Variants in ABCB11 observed in about 807,000 individuals in gnomAD.
The protein encoded by ABCB11 is ATP binding cassette subfamily B member 11.
In ABCB11, 95 loss-of-function variants were observed where a neutral mutation model predicts 148.0. The observed-to-expected ratio is 0.64, with a 90% CI of 0.54 to 0.76. ABCB11 has a LOEUF of 0.76. Ranked by LOEUF, ABCB11 falls within the 30% of genes least tolerant of loss-of-function variation. The pLI is 0.00. For synonymous variants in ABCB11, 591 were observed against 555.4 expected (o/e 1.06, Z -0.90); for missense variants, 1,523 against 1,617.8 (o/e 0.94, Z 1.01).
intron 5 of ABCB11, among the ~76,000 whole-genome samples, chr2:169,010,824 C>G (rs904035606): frequency 6.6e-6 from 1 of 152,142 alleles, no homozygotes; most frequent in Non-Finnish European, 1.5e-5. Context: ...GTATTTAACT[C>G]ATCAAGGAGT....
intron 21 of ABCB11, among the ~76,000 whole-genome samples, chr2:168,941,052 C>T (rs900274030): frequency 6.6e-6 from 1 of 152,046 alleles, no homozygotes; most frequent in East Asian, 1.9e-4. Context: ...CGGAGATGTA[C>T]AAGGAGATGA....
intron 5 of ABCB11, among the ~76,000 whole-genome samples, chr2:169,011,248 A>T (rs1695177996): frequency 1.3e-5 from 2 of 152,176 alleles, no homozygotes; most frequent in Non-Finnish European, 2.9e-5. Flanking sequence ...TATCCTCATA[A>T]GTGTTATCCG....
chr2:169,004,456 A>T (rs1694964457), intron 5 of ABCB11, among the ~76,000 whole-genome samples: 1 of 152,026 alleles, frequency 6.6e-6, no homozygotes, highest in Admixed American at 6.5e-5. Context: ...ATTTGATTCT[A>T]TTGCTGAGAC....
At chr2:168,968,637 C>T (rs992251819) in intron 16 of ABCB11, 147 bp from the exon 17 acceptor site, 3 of 681,670 alleles carry the variant, frequency 4.4e-6, no homozygotes, top group East Asian at 2.8e-5. Context: ...AAATAAAACT[C>T]GGGACTTGTC....
chr2:168,920,096 G>C (rs1395956212), downstream of ABCB11, among the ~76,000 whole-genome samples: 1 of 152,034 alleles, frequency 6.6e-6, no homozygotes, highest in African/African-American at 2.4e-5. Flanking sequence ...GTACTCCTGG[G>C]CTCAAGCAAT....
chr2:169,015,576 C>T (rs1695328263), intron 3 of ABCB11, among the ~76,000 whole-genome samples: 1 of 152,032 alleles, frequency 6.6e-6, no homozygotes, highest in Non-Finnish European at 1.5e-5. Context: ...TTTAGGTAAC[C>T]ACAGGGACAG....
Position 169,023,792 on chromosome 2 carries a change from C to A in ABCB11, c.-27-5640G>T, listed in dbSNP as rs540193277. 7.2e-5 allele frequency among the ~76,000 whole-genome samples: 11 copies of A among 152,238 alleles called. No homozygotes were observed. The South Asian group carries it at 2.3e-3, about 32-fold the overall frequency. ...AGCACTGAATTAACGATAGTGGTTACCTCTGAGGAAAAGAAGTGGAATGAG... is the reference window on the plus strand; with the variant it reads ...AGCACTGAATTAACGATAGTGGTTAACTCTGAGGAAAAGAAGTGGAATGAG... On this transcript the variant is annotated intron_variant, in intron 1 of 27. Coordinates refer to ENST00000650372, the MANE Select transcript of ABCB11 (RefSeq NM_003742.4).
chr2:168,993,669 G>A (rs748251567), intron 8 of ABCB11, 42 bp downstream of exon 8: 1 of 1,575,290 alleles, frequency 6.3e-7, no homozygotes, highest in Non-Finnish European at 8.6e-7. Context: ...GTTTATGAAG[G>A]CAAATGTCTT....
chr2:168,932,058 C>T (rs1055388301), intron 24 of ABCB11, among the ~76,000 whole-genome samples: 4 of 152,086 alleles, frequency 2.6e-5, no homozygotes, highest in African/African-American at 9.6e-5. Context: ...GTAGAATGTG[C>T]AGGCTTGTTA....
intron 12 of ABCB11, among the ~76,000 whole-genome samples, chr2:168,975,214 A>T (rs1319935959): frequency 2.1e-5 from 2 of 95,316 alleles, no homozygotes; most frequent in Admixed American, 2.3e-4. Context: ...TTTATATTTA[A>T]ATATTTATAG....
intron 7 of ABCB11, 38 bp downstream of exon 7, chr2:168,995,311 A>C: frequency 6.4e-7 from 1 of 1,573,544 alleles, no homozygotes; most frequent in Non-Finnish European, 8.6e-7. Flanking sequence ...TATTATCCAA[A>C]AATCACACAC....
intron 5 of ABCB11, among the ~76,000 whole-genome samples, chr2:169,009,585 G>T (rs1287997213): frequency 3.6e-5 from 4 of 112,258 alleles, no homozygotes; most frequent in Non-Finnish European, 7.0e-5. Flanking sequence ...TTGTGGGGTG[G>T]GGGGAGGGGG....
intron 5 of ABCB11, among the ~76,000 whole-genome samples, chr2:168,997,426 T>G (rs193083519): frequency 1.7e-3 from 264 of 152,204 alleles, no homozygotes; most frequent in Non-Finnish European, 2.8e-3. Context: ...AAAAATACTT[T>G]GGCATTTTTC....
chr2:168,936,328 A>T lies in ABCB11; in HGVS notation c.2716T>A (p.Cys906Ser). 6.2e-7 allele frequency: 1 copy of T among 1,613,982 alleles called. No homozygotes were observed. The highest frequency in any genetic ancestry group is 1.7e-5 in the Admixed American group (1 of 60,012). ...FSWKLSLVIL[C>S]FFPFLALSGA... ...GATAAAGCCAAGAAGGGGAAGAAGC[A>T]CAAGATGACCAGGCTCAGCTTCCAG... is the stretch of plus-strand genomic sequence containing the variant. The change falls in exon 22 of 28, where the codon TGC becomes AGC. Residue 906 changes from cysteine to serine, a missense_variant. Cys to Ser is a moderately radical substitution (Grantham distance 112). Transcript: ENST00000650372.
chr2:168,977,147 CAT>C (rs1158745390), intron 11 of ABCB11, among the ~76,000 whole-genome samples: 7 of 148,000 alleles, frequency 4.7e-5, no homozygotes, highest in Non-Finnish European at 8.9e-5. Flanking sequence ...AAATGTATAA[CAT>C]ATGTTAACAA....
intron 9 of ABCB11, among the ~76,000 whole-genome samples, chr2:168,986,690 C>T (rs1269102124): frequency 6.6e-6 from 1 of 152,080 alleles, no homozygotes; most frequent in Non-Finnish European, 1.5e-5. Context: ...CTTTTTGTTT[C>T]CAGCTCCCCA....
chr2:169,028,400 C>T (rs550365003), intron 1 of ABCB11, among the ~76,000 whole-genome samples: 3 of 152,214 alleles, frequency 2.0e-5, no homozygotes, highest in Admixed American at 1.3e-4. Flanking sequence ...CTGGAGAAGG[C>T]TCTGGAGCAA....
rs763526610 is a variant in ABCB11 at position 169,013,507 on chromosome 2, G to A, written c.154C>T (p.Arg52Trp). The change falls in exon 5 of 28, where the codon CGG (arginine) becomes TGG (tryptophan). Residue 52 changes from arginine (R) to tryptophan (W), a missense_variant. Physicochemically the swap from Arg to Trp is moderately radical, Grantham distance 101. Coordinates refer to ENST00000650372, the MANE Select transcript of ABCB11 (RefSeq NM_003742.4). ...GVRVGFFQLF[R>W]FSSSTDIWLM... ...CAAATGTCAGTTGATGAAGAAAACC[G>A]AAACTTGAAAAACAAAGGGTTCAGA... is the stretch of plus-strand genomic sequence containing the variant. The A allele has an allele frequency of 8.7e-6, 14 of 1,612,100 alleles. No homozygotes were observed. Among genetic ancestry groups the A allele is most frequent in the South Asian group, 2.2e-5 (2 of 90,980 alleles).
chr2:168,929,851 T>A (rs1691486331), intron 25 of ABCB11, among the ~76,000 whole-genome samples: 1 of 152,152 alleles, frequency 6.6e-6, no homozygotes, highest in African/African-American at 2.4e-5. Flanking sequence ...TAGATTTTTA[T>A]CTCTTGAGAA....
Sources: allele counts gnomAD v4.1 joint callset (sites outside exome capture counted in the v4.1 genomes callset), GRCh38; gene constraint gnomAD v4.1.1; transcripts MANE v1.5; gene names NCBI Gene and HGNC (gene_info 2026-07-23, HGNC 2026-07-21).